The following EYA4 variants were observed in gnomAD, a reference collection of about 807,000 sequenced individuals.
EYA4 encodes protein phosphatase EYA4.
Under a neutral mutation model 87.9 loss-of-function variants are expected in EYA4, and 31 were observed. The ratio of observed to expected loss-of-function variants is 0.35; its 90% CI spans 0.27 to 0.48. EYA4 has a LOEUF of 0.48. EYA4 is among the 20% of genes least tolerant of loss of function. The pLI, the probability that EYA4 is intolerant of heterozygous loss-of-function variation, is 0.99. For missense variants in EYA4, 678 were observed against 761.4 expected (o/e 0.89, Z 1.29); for synonymous variants, 263 against 270.6 (o/e 0.97, Z 0.28).
At chr6:133,428,750 T>C (rs1790897135) in intron 3 of EYA4, among the ~76,000 whole-genome samples, 3 of 151,938 alleles carry the variant, frequency 2.0e-5, no homozygotes, top group African/African-American at 7.3e-5. Flanking sequence ...AATAGGAACC[T>C]CTCCTAGAAG....
intron 2 of EYA4, among the ~76,000 whole-genome samples, chr6:133,287,152 A>G (rs550656816): frequency 2.0e-5 from 3 of 152,328 alleles, no homozygotes; most frequent in African/African-American, 7.2e-5. Context: ...ATTTAATATA[A>G]TATATACTAT....
intron 3 of EYA4, among the ~76,000 whole-genome samples, chr6:133,394,289 T>A (rs1242919577): frequency 0.016 from 297 of 18,218 alleles, 12 homozygotes; most frequent in Non-Finnish European, 0.027. Context: ...CTTGTGTTTT[T>A]TTTTTTTTTT....
At chr6:133,415,151 A>T (rs888059312) in intron 3 of EYA4, among the ~76,000 whole-genome samples, 1 of 152,078 alleles carries the variant, frequency 6.6e-6, no homozygotes, top group Non-Finnish European at 1.5e-5. Context: ...CTCCTTTCTC[A>T]CTTACCCACA....
chr6:133,476,963 C>T (rs1035910729), intron 11 of EYA4, among the ~76,000 whole-genome samples: 5 of 152,038 alleles, frequency 3.3e-5, no homozygotes, highest in African/African-American at 7.2e-5. Flanking sequence ...CCATGCTGTT[C>T]TCGTGATAGT....
At chr6:133,338,256 A>G (rs1782524295) in intron 2 of EYA4, among the ~76,000 whole-genome samples, 1 of 152,132 alleles carries the variant, frequency 6.6e-6, no homozygotes, top group South Asian at 2.1e-4. Flanking sequence ...AAAAAAGGTC[A>G]CTCAATTTAA....
intron 5 of EYA4, among the ~76,000 whole-genome samples, chr6:133,454,756 C>A (rs1793759581): frequency 6.6e-6 from 1 of 152,082 alleles, no homozygotes; most frequent in South Asian, 2.1e-4. Flanking sequence ...CCTTAGTATC[C>A]TATTCCAGTA....
At chr6:133,520,894 G>A (rs1800059827) in intron 17 of EYA4, among the ~76,000 whole-genome samples, 2 of 149,712 alleles carry the variant, frequency 1.3e-5, no homozygotes, top group Admixed American at 1.3e-4. Flanking sequence ...ATGGTGCTGG[G>A]ACAACTGGCT....
intron 2 of EYA4, among the ~76,000 whole-genome samples, chr6:133,341,792 A>G (rs1782800495): frequency 6.6e-6 from 1 of 152,238 alleles, no homozygotes; most frequent in Non-Finnish European, 1.5e-5. Context: ...GCCAACTACC[A>G]CTTAAGGGGA....
At chr6:133,375,592 A>T (rs1054481679) in intron 2 of EYA4, among the ~76,000 whole-genome samples, 10 of 151,812 alleles carry the variant, frequency 6.6e-5, no homozygotes, top group Non-Finnish European at 1.2e-4. Flanking sequence ...AGAAACCAGG[A>T]TAATCTAGGG....
At chr6:133,491,690 G>A (rs1797170905) in intron 13 of EYA4, among the ~76,000 whole-genome samples, 1 of 152,118 alleles carries the variant, frequency 6.6e-6, no homozygotes, top group Non-Finnish European at 1.5e-5. Context: ...AGTGGGTTAT[G>A]CCTGTAATCC....
intron 11 of EYA4, among the ~76,000 whole-genome samples, chr6:133,476,881 G>A (rs1795787224): frequency 6.6e-6 from 1 of 152,006 alleles, no homozygotes; most frequent in Non-Finnish European, 1.5e-5. Flanking sequence ...ATCTTGAATT[G>A]TAATCCCCCT....
At chr6:133,333,912 T>C (rs1582988098) in intron 2 of EYA4, among the ~76,000 whole-genome samples, 1 of 152,124 alleles carries the variant, frequency 6.6e-6, no homozygotes, top group African/African-American at 2.4e-5. Flanking sequence ...TGAAAAAAGG[T>C]TTTTTTAGGG....
At chr6:133,485,141 C>T (rs566368658) in intron 13 of EYA4, among the ~76,000 whole-genome samples, 21 of 152,302 alleles carry the variant, frequency 1.4e-4, no homozygotes, top group African/African-American at 5.1e-4. Context: ...AGCACTGCTG[C>T]GTCATGGAAA....
chr6:133,327,932 C>T lies in EYA4; in HGVS notation c.33+53119C>T, dbSNP rs540598410. Among the ~76,000 whole-genome samples, 9 of 152,204 alleles carry T rather than the reference C, an allele frequency of 5.9e-5. No individual in the cohort carries two copies. The South Asian group carries it at 1.0e-3, about 18-fold the overall frequency. The stretch of plus-strand genomic sequence containing the variant: ...AAAAAATTCTTAGAGACTATAGAGT[C>T]GTCAGTGTCACTTTCATATGGGCCA... On this transcript the variant is annotated intron_variant, in intron 2 of 19. Transcript: ENST00000355286.
At position 133,272,104 on chromosome 6, in the gene EYA4, C is replaced by G. The variant is rs117462438; in HGVS notation, c.-65-2612C>G. ...AAAGTGCACAACGAGGTGCACTGCT[C>G]AAAGTTCTGCCAACTGGGAAGATTT... On this transcript the variant is annotated intron_variant, in intron 1 of 19. Coordinates refer to ENST00000355286, the MANE Select transcript of EYA4 (RefSeq NM_004100.5). Among the ~76,000 whole-genome samples, 106 of 152,328 alleles carry G rather than the reference C, an allele frequency of 7.0e-4. No individual in the cohort carries two copies. The East Asian group carries it at 0.019, about 27-fold the overall frequency.
chr6:133,381,132 C>G (rs1218142824), intron 2 of EYA4, among the ~76,000 whole-genome samples: 2 of 130,430 alleles, frequency 1.5e-5, no homozygotes, highest in Non-Finnish European at 3.1e-5. Flanking sequence ...ATGTTAAAGG[C>G]ATAGAAGACA....
At chr6:133,399,049 C>T (rs1009361302) in intron 3 of EYA4, among the ~76,000 whole-genome samples, 2 of 152,190 alleles carry the variant, frequency 1.3e-5, no homozygotes, top group Middle Eastern at 6.8e-3. Context: ...CGGACTTTTC[C>T]TCTCTTATTT....
chr6:133,374,722 T>C (rs574627869), intron 2 of EYA4, among the ~76,000 whole-genome samples: 9 of 151,986 alleles, frequency 5.9e-5, no homozygotes, highest in Admixed American at 5.3e-4. Flanking sequence ...GGTTAAGGAA[T>C]GATAAAGAGG....
intron 2 of EYA4, among the ~76,000 whole-genome samples, chr6:133,306,642 T>C (rs1174984581): frequency 6.6e-6 from 1 of 152,248 alleles, no homozygotes; most frequent in Non-Finnish European, 1.5e-5. Flanking sequence ...TTAATTATAT[T>C]GAAAAATCAG....
Sources: gnomAD v4.1 joint callset for allele counts (sites outside exome capture counted in the v4.1 genomes callset) on GRCh38, gnomAD v4.1.1 for gene constraint, MANE v1.5 for transcripts, NCBI Gene and HGNC (gene_info 2026-07-23, HGNC 2026-07-21) for gene names.